TBC1D14: variants seen among roughly 807,000 people sequenced by gnomAD.
The protein encoded by TBC1D14 is TBC1 domain family member 14, also known as TBC1 domain family, member 14.
TBC1D14 carries 26 observed loss-of-function variants against 79.0 expected under a neutral mutation model. That is an observed-to-expected ratio of 0.33 (90% CI 0.24 to 0.46). The LOEUF (loss-of-function observed/expected upper bound fraction) is 0.46. TBC1D14 is among the 20% of genes least tolerant of loss of function. The pLI is 1.00. For missense variants in TBC1D14, 769 were observed against 887.6 expected (o/e 0.87, Z 1.70); for synonymous variants, 394 against 349.9 (o/e 1.13, Z -1.40).
intron 1 of TBC1D14, 62 bp from the exon 2 acceptor site, chr4:6,923,311 C>G: frequency 2.0e-6 from 3 of 1,513,340 alleles, no homozygotes; most frequent in Non-Finnish European, 2.7e-6. Context: ...AGCTGTGTGT[C>G]AGAGGTGTGG....
chr4:6,990,016 C>A (rs901741849), intron 3 of TBC1D14, among the ~76,000 whole-genome samples: 1 of 152,230 alleles, frequency 6.6e-6, no homozygotes, highest in Non-Finnish European at 1.5e-5. Context: ...AATTGAGACT[C>A]ATTGTACTGA....
At chr4:6,969,275 C>G (rs1030820193) in intron 3 of TBC1D14, among the ~76,000 whole-genome samples, 2 of 152,088 alleles carry the variant, frequency 1.3e-5, no homozygotes, top group Admixed American at 6.6e-5. Context: ...ATTAAATAAC[C>G]AAGCTGCTAT....
chr4:7,009,873 T>TTA lies in TBC1D14; in HGVS notation c.1447-3_1447-2dup. The TTA allele has an allele frequency of 5.6e-6, 9 of 1,614,132 alleles. No individual in the cohort carries two copies. The highest frequency in any genetic ancestry group is 7.6e-6 in the Non-Finnish European group (9 of 1,180,010). On this transcript the variant is annotated splice_polypyrimidine_tract_variant and splice_region_variant and intron_variant, in intron 9 of 13. Coordinates refer to ENST00000409757, the MANE Select transcript of TBC1D14 (RefSeq NM_020773.3). ...TGTTGTTTTTGCTGTGTTGATCCTT[T>TTA]TAGGGTGGTCCATATCATGACATGT...
At chr4:6,934,334 G>A (rs1198561367) in intron 2 of TBC1D14, among the ~76,000 whole-genome samples, 7 of 151,968 alleles carry the variant, frequency 4.6e-5, no homozygotes, top group Non-Finnish European at 1.0e-4. Context: ...GTGCCGGCCC[G>A]GTGAGCATGG....
intron 12 of TBC1D14, among the ~76,000 whole-genome samples, chr4:7,023,732 T>C (rs1256935642): frequency 6.6e-6 from 1 of 152,200 alleles, no homozygotes; most frequent in Non-Finnish European, 1.5e-5. Flanking sequence ...TTAGCTGTTG[T>C]CCTGAGGCGC....
At chr4:6,957,618 A>G (rs983214275) in intron 2 of TBC1D14, among the ~76,000 whole-genome samples, 5 of 152,192 alleles carry the variant, frequency 3.3e-5, no homozygotes, top group Non-Finnish European at 5.9e-5. Context: ...TTCTTGCTAT[A>G]TTCCTGGGAA....
chr4:6,979,853 G>A (rs1030138674), intron 3 of TBC1D14, among the ~76,000 whole-genome samples: 4 of 152,128 alleles, frequency 2.6e-5, no homozygotes, highest in African/African-American at 4.8e-5. Context: ...ATTACCTAAT[G>A]AAGACATAAT....
At chr4:6,998,976 T>G in intron 5 of TBC1D14, 109 bp from the exon 6 acceptor site, 1 of 970,588 alleles carries the variant, frequency 1.0e-6, no homozygotes, top group South Asian at 1.5e-5. Context: ...CTCGCTCTGC[T>G]TCAGGGCGGT....
At chr4:7,002,526 G>T (rs1437476640) in intron 7 of TBC1D14, among the ~76,000 whole-genome samples, 2 of 152,176 alleles carry the variant, frequency 1.3e-5, no homozygotes, top group Non-Finnish European at 2.9e-5. Context: ...TTAGACATGA[G>T]TCTTAGACAT....
In TBC1D14 at chr4:6,923,458, A is replaced by G. The variant is rs752647966; in HGVS notation, c.69A>G (p.Pro23=). 2 of 1,614,072 alleles carry G rather than the reference A, an allele frequency of 1.2e-6. No homozygotes were observed. Among genetic ancestry groups the G allele is most frequent in the Non-Finnish European group, 8.5e-7 (1 of 1,180,050 alleles). The part of the protein sequence containing the change: ...VAFMGILDGR[P]GNPLQNLQHV... ...TCATGGGTATTCTGGATGGTCGACC[A>G]GGAAACCCCCTTCAGAACCTGCAAC... The change falls in exon 2 of 14, where the codon CCA becomes CCG. Residue 23 remains proline (P), a synonymous_variant. Coordinates refer to ENST00000409757, the MANE Select transcript of TBC1D14 (RefSeq NM_020773.3).
intron 1 of TBC1D14, among the ~76,000 whole-genome samples, chr4:6,916,143 AG>A (rs1723379212): frequency 6.7e-6 from 1 of 148,880 alleles, no homozygotes; most frequent in Non-Finnish European, 1.5e-5. Context: ...AAAAAAAAAA[AG>A]GGATAAGAAT....
intron 5 of TBC1D14, among the ~76,000 whole-genome samples, chr4:6,997,823 T>A (rs191544834): frequency 2.0e-5 from 3 of 152,086 alleles, no homozygotes; most frequent in African/African-American, 7.2e-5. Flanking sequence ...GCAGTCAAAC[T>A]CAGAGACAAA....
At chr4:6,987,627 A>C in intron 3 of TBC1D14, 1 of 378,300 alleles carries the variant, frequency 2.6e-6, no homozygotes, top group Admixed American at 4.6e-5. Flanking sequence ...GGACGACGAG[A>C]GACAGCGTGA....
At chr4:6,986,177 A>G (rs1296288251) in intron 3 of TBC1D14, among the ~76,000 whole-genome samples, 1 of 152,142 alleles carries the variant, frequency 6.6e-6, no homozygotes, top group Non-Finnish European at 1.5e-5. Context: ...CACCTGGCCT[A>G]GCGTTTTTGA....
At chr4:6,939,105 C>T (rs1233434493) in intron 2 of TBC1D14, among the ~76,000 whole-genome samples, 1 of 152,208 alleles carries the variant, frequency 6.6e-6, no homozygotes, top group Non-Finnish European at 1.5e-5. Context: ...GGCTCTGCCA[C>T]CCACTCCCTC....
intron 2 of TBC1D14, among the ~76,000 whole-genome samples, chr4:6,945,866 C>T (rs1577069196): frequency 1.3e-5 from 2 of 150,390 alleles, no homozygotes; most frequent in East Asian, 2.0e-4. Flanking sequence ...CCTAGCTGCA[C>T]AGTAGGATTA....
rs74991787 is a variant in TBC1D14 at position 6,913,309 on chromosome 4, A to G, written c.-18+3358A>G. Among the ~76,000 whole-genome samples the G allele has an allele frequency of 3.7e-3, 570 of 152,330 alleles. 3 individuals are homozygous for G. Among genetic ancestry groups the G allele is most frequent in the African/African-American group, 0.013 (531 of 41,584 alleles). On this transcript the variant is annotated intron_variant, in intron 1 of 13. Coordinates refer to ENST00000409757, the MANE Select transcript of TBC1D14 (RefSeq NM_020773.3). ...CACGCCTGGCCTATTTTATTTTTAA[A>G]ACTTCATTTGCAGCCTAACAAACAT...
intron 3 of TBC1D14, chr4:6,987,372 G>A: frequency 7.1e-7 from 1 of 1,417,372 alleles, no homozygotes; most frequent in Non-Finnish European, 9.3e-7. Flanking sequence ...GCGGGCCGGT[G>A]CCTCTCCCTG....
intron 7 of TBC1D14, among the ~76,000 whole-genome samples, chr4:7,004,433 C>T (rs905853074): frequency 1.3e-5 from 2 of 152,220 alleles, no homozygotes; most frequent in African/African-American, 2.4e-5. Context: ...TTCCCTCCCT[C>T]GGTCATTGAG....
Sources: gnomAD v4.1 joint callset for allele counts (sites outside exome capture counted in the v4.1 genomes callset) on GRCh38, gnomAD v4.1.1 for gene constraint, MANE v1.5 for transcripts, NCBI Gene and HGNC (gene_info 2026-07-23, HGNC 2026-07-21) for gene names.